The following VTN variants were observed in gnomAD, a reference collection of about 807,000 sequenced individuals.
The protein encoded by VTN is complement S-protein.
In VTN, 45 loss-of-function variants were observed where a neutral mutation model predicts 55.9. That is an observed-to-expected ratio of 0.80 (90% CI 0.63 to 1.03). VTN has a LOEUF of 1.03. VTN is among the 50% of genes least tolerant of loss of function. The pLI, the probability that VTN is intolerant of heterozygous loss-of-function variation, is 0.00. For missense variants in VTN, 589 were observed against 638.2 expected, an observed-to-expected ratio of 0.92 and a Z score of 0.83; for synonymous variants, 238 against 242.3, an observed-to-expected ratio of 0.98 and a Z score of 0.17.
At position 28,369,351 on chromosome 17, in the gene VTN, C is replaced by T. The variant is rs782486508; in HGVS notation, c.607G>A (p.Glu203Lys). The change falls in exon 4 of 8, where the codon GAG (glutamate) becomes AAG (lysine). Residue 203 changes from glutamate to lysine, a missense_variant. Transcript: ENST00000226218. This position sits in a 1 kb window ranked among gnomAD's most constrained non-coding sequence, Gnocchi z 5.3. ...GTGAAGGCGGCATCGATGGGGCCCT[C>T]GATGCCCCAGACATCTCGGATGAGC... is the stretch of plus-strand genomic sequence containing the variant. ...PKLIRDVWGIEGPIDAAFTRI... is the reference protein window; with the variant it reads ...PKLIRDVWGIKGPIDAAFTRI... 14 of 1,607,548 alleles carry T rather than the reference C, an allele frequency of 8.7e-6. No homozygotes were observed. In the East Asian group the frequency reaches 1.3e-4, roughly 15 times the overall value.
chr17:28,370,237 G>A lies in VTN; in HGVS notation c.-34C>T, dbSNP rs782069389. The A allele has an allele frequency of 2.5e-6, 4 of 1,596,450 alleles. No individual in the cohort carries two copies. The Admixed American group carries it at 5.1e-5, about 20-fold the overall frequency. Reference sequence around the variant, plus strand: ...TTCTAGCTCAGTGCCTGGCAAGCTGGGCTCTGGTCTCCCTGAAGTCTCCGC... The same window carrying A: ...TTCTAGCTCAGTGCCTGGCAAGCTGAGCTCTGGTCTCCCTGAAGTCTCCGC... On this transcript the variant is annotated 5_prime_UTR_variant, in exon 1 of 8. Coordinates refer to ENST00000226218, the MANE Select transcript of VTN (RefSeq NM_000638.4).
Position 28,369,845 on chromosome 17 carries a change from C to T in VTN, c.191G>A (p.Arg64His), listed in dbSNP as rs145095194. The T allele has an allele frequency of 1.1e-5, 18 of 1,612,218 alleles. No individual in the cohort carries two copies. Among genetic ancestry groups the T allele is most frequent in the East Asian group, 4.5e-5 (2 of 44,840 alleles). Reference protein sequence around the residue: ...YTAECKPQVTRGDVFTMPEDE... With the variant: ...YTAECKPQVTHGDVFTMPEDE... ...CTCCGGCATAGTGAACACATCCCCG[C>T]GAGTCACTGCAGAGAGTGGATGGTA... The change falls in exon 3 of 8, where the codon CGC becomes CAC. Residue 64 changes from arginine to histidine, a missense_variant. Arg to His is a conservative substitution (Grantham distance 29, BLOSUM62 0). Coordinates refer to ENST00000226218, the MANE Select transcript of VTN (RefSeq NM_000638.4). This position sits in a 1 kb window ranked among gnomAD's most constrained non-coding sequence, Gnocchi z 5.3.
chr17:28,370,288 A>G lies in VTN; in HGVS notation c.-85T>C. 1 of 1,463,484 alleles carries G rather than the reference A, an allele frequency of 6.8e-7. No individual in the cohort carries two copies. Among genetic ancestry groups the G allele is most frequent in the Middle Eastern group, 2.0e-4 (1 of 5,006 alleles). The allele number at this position is 1,463,484 out of a possible 1,614,324, so 90.7% of individuals were successfully genotyped here. A position where few individuals can be genotyped will look rare whatever the true frequency, so the allele number is the denominator to read the frequency against. On this transcript the variant is annotated 5_prime_UTR_variant, in exon 1 of 8. Transcript: ENST00000226218. ...TCTGATGCCTGAGGAAGGGAGGGAG[A>G]GGCAGAGACAGGGAAGGAGGGCACT...
chr17:28,368,037 G>T lies in VTN; in HGVS notation c.1002C>A (p.Phe334Leu), dbSNP rs768196943. The T allele has an allele frequency of 6.3e-7, 1 of 1,585,046 alleles. No individual in the cohort carries two copies. The highest frequency in any genetic ancestry group is 1.1e-5 in the South Asian group (1 of 87,282). ...GCACACCGTGCCAGTCCCGGCTAAT[G>T]AACTGGGGCTGTCTGGTACCAGCTG... The part of the protein sequence containing the change: ...RTSAGTRQPQ[F>L]ISRDWHGVPG... The change falls in exon 7 of 8, where the codon TTC becomes TTA. Residue 334 changes from phenylalanine (F) to leucine (L), a missense_variant. This residue lies in a region of VTN where 334 missense variants were observed against 328.2 expected (regional missense o/e 1.02). Coordinates refer to ENST00000226218, the MANE Select transcript of VTN (RefSeq NM_000638.4).
Position 28,368,863 on chromosome 17 carries a change from C to T in VTN, c.826+9G>A, listed in dbSNP as rs782345781. ...CTGCCTGCTCAGTCTCCCACCACCC[C>T]CTGAGTACCCTTGAAGAAGTAGACC... On this transcript the variant is annotated intron_variant, in intron 5 of 7. Transcript: ENST00000226218. 2 of 1,613,552 alleles carry T rather than the reference C, an allele frequency of 1.2e-6. No homozygotes were observed. Among genetic ancestry groups the T allele is most frequent in the African/African-American group, 1.3e-5 (1 of 74,884 alleles).
In VTN at chr17:28,367,831, G is replaced by A. The variant is rs113837940; in HGVS notation, c.1208C>T (p.Ser403Phe). The A allele has an allele frequency of 3.4e-4, 548 of 1,614,052 alleles. 1 individual carries two copies. Among genetic ancestry groups the A allele is most frequent in the Non-Finnish European group, 4.3e-4 (508 of 1,180,056 alleles). ...SRRPSRATWL[S>F]LFSSEESNLG... ...GTTGCTCTCCTCACTGGAGAACAAG[G>A]ACAGCCACGTGGCGCGGGATGGCCG... The change falls in exon 7 of 8, where the codon TCC (serine) becomes TTC (phenylalanine). Residue 403 changes from serine (S) to phenylalanine (F), a missense_variant. By Grantham distance (155) the Ser-to-Phe change is radical. Coordinates refer to ENST00000226218, the MANE Select transcript of VTN (RefSeq NM_000638.4).
intron 6 of VTN, 47 bp downstream of exon 6, chr17:28,368,474 G>A (rs1555583388): frequency 1.2e-6 from 2 of 1,607,510 alleles, no homozygotes; most frequent in South Asian, 2.2e-5. Flanking sequence ...ATACCAAGGG[G>A]TTTCAGCCCT....
At chr17:28,368,847 C>T (rs562940686) in intron 5 of VTN, 25 bp downstream of exon 5, 37 of 1,613,236 alleles carry the variant, frequency 2.3e-5, no homozygotes, top group Non-Finnish European at 3.0e-5. Flanking sequence ...ACTGCCTGCT[C>T]AGTCTCCCAC....
chr17:28,369,352 G>A lies in VTN; in HGVS notation c.606C>T (p.Ile202=), dbSNP rs782583765. The change falls in exon 4 of 8, where the codon ATC becomes ATT. Residue 202 remains isoleucine, a synonymous_variant. Transcript: ENST00000226218. The surrounding 1 kb of genome is among the most constrained non-coding windows in gnomAD (Gnocchi z 5.3). The part of the protein sequence containing the change: ...YPKLIRDVWG[I]EGPIDAAFTR... The stretch of plus-strand genomic sequence containing the variant: ...TGAAGGCGGCATCGATGGGGCCCTC[G>A]ATGCCCCAGACATCTCGGATGAGCT... 34 of 1,607,448 alleles carry A rather than the reference G, an allele frequency of 2.1e-5. No homozygotes were observed. Among genetic ancestry groups the A allele is most frequent in the South Asian group, 4.4e-5 (4 of 90,836 alleles).
At position 28,369,630 on chromosome 17, in the gene VTN, C is replaced by G. The variant is rs782262705; in HGVS notation, c.406G>C (p.Asp136His). 1.2e-6 allele frequency: 2 copies of G among 1,613,768 alleles called. No homozygotes were observed. The highest frequency in any genetic ancestry group is 1.1e-5 in the South Asian group (1 of 91,086). Reference sequence around the variant, plus strand: ...GGATGAAGGGTCTCAGGCCTTGAGTCTATCCCCTCAGGCTTAGAGGCGCCC... The same window carrying G: ...GGATGAAGGGTCTCAGGCCTTGAGTGTATCCCCTCAGGCTTAGAGGCGCCC... Reference protein sequence around the residue: ...EVGASKPEGIDSRPETLHPGR... With the variant: ...EVGASKPEGIHSRPETLHPGR... Residue 136 changes from aspartate to histidine, a missense_variant, in exon 3 of 8, where the codon GAC becomes CAC. By Grantham distance (81) the Asp-to-His change is moderately conservative. Coordinates refer to ENST00000226218, the MANE Select transcript of VTN (RefSeq NM_000638.4). This position sits in a 1 kb window ranked among gnomAD's most constrained non-coding sequence, Gnocchi z 5.3.
In VTN at chr17:28,368,623, A is replaced by G. The variant is rs782515558; in HGVS notation, c.877T>C (p.Cys293Arg). 74 of 1,613,130 alleles carry G rather than the reference A, an allele frequency of 4.6e-5. No individual in the cohort carries two copies. Among genetic ancestry groups the G allele is most frequent in the Non-Finnish European group, 6.0e-5 (71 of 1,179,870 alleles). ...ACAGCCGACAGGGAGCTGCCTTCAC[A>G]CTCCTCCTGACTGGGCTGGTGCTGG... ...QFQHQPSQEE[C>R]EGSSLSAVFE... Residue 293 changes from cysteine to arginine, a missense_variant, in exon 6 of 8, where the codon TGT becomes CGT. By Grantham distance (180) the Cys-to-Arg change is radical. This residue lies in a region of VTN where 334 missense variants were observed against 328.2 expected (regional missense o/e 1.02). Transcript: ENST00000226218.
At position 28,367,432 on chromosome 17, in the gene VTN, G is replaced by A. The variant is rs782781543; in HGVS notation, c.1374C>T (p.Asp458=). The A allele has an allele frequency of 4.3e-6, 7 of 1,613,378 alleles. No individual in the cohort carries two copies. In the South Asian group the frequency reaches 7.7e-5, roughly 18 times the overall value. ...NLRTRRVDTV[D]PPYPRSIAQY... is the part of the protein sequence containing the mutation. ...GAGCGATGGAGCGTGGGTAGGGAGG[G>A]TCCACAGTGTCCACTCGCCGTGTGC... The change falls in exon 8 of 8, where the codon GAC becomes GAT. Residue 458 remains aspartate (D), a synonymous_variant. Transcript: ENST00000226218.
Position 28,367,362 on chromosome 17 carries a change from C to CT in VTN, c.*6dup, listed in dbSNP as rs782574804. The CT allele has an allele frequency of 1.7e-5, 27 of 1,574,840 alleles. No individual in the cohort carries two copies. The highest frequency in any genetic ancestry group is 1.7e-4 in the Middle Eastern group (1 of 5,898). On this transcript the variant is annotated 3_prime_UTR_variant, in exon 8 of 8. Transcript: ENST00000226218. ...TACAGAGGGCCCGGCCATGTGGGCT[C>CT]TGACTCCTACAGATGGCCAGGAGCT...
intron 6 of VTN, 135 bp from the exon 7 acceptor site, chr17:28,368,194 C>G (rs1216385587): frequency 9.8e-6 from 8 of 820,242 alleles, no homozygotes; most frequent in Non-Finnish European, 1.5e-5. Context: ...GCCTTTGACT[C>G]TCAGTCCAAT....
intron 6 of VTN, 114 bp downstream of exon 6, chr17:28,368,407 A>G: frequency 1.4e-6 from 2 of 1,440,616 alleles, no homozygotes; most frequent in Non-Finnish European, 1.9e-6. Context: ...CTGAGCAAAC[A>G]GACTTTGATC....
rs375650391 is a variant in VTN at position 28,368,858 on chromosome 17, C to A, written c.826+14G>T. On this transcript the variant is annotated intron_variant, in intron 5 of 7. Transcript: ENST00000226218. Reference sequence around the variant, plus strand: ...CTCCACTGCCTGCTCAGTCTCCCACCACCCCCTGAGTACCCTTGAAGAAGT... The same window carrying A: ...CTCCACTGCCTGCTCAGTCTCCCACAACCCCCTGAGTACCCTTGAAGAAGT... The A allele has an allele frequency of 3.1e-6, 5 of 1,613,430 alleles. No individual in the cohort carries two copies. The African/African-American group carries it at 6.7e-5, about 22-fold the overall frequency.
rs782508700 is a variant in VTN, at chr17:28,369,728, T to C, written c.308A>G (p.Gln103Arg). The C allele has an allele frequency of 3.3e-5, 54 of 1,613,772 alleles. No individual in the cohort carries two copies. Among genetic ancestry groups the C allele is most frequent in the Non-Finnish European group, 4.2e-5 (50 of 1,180,014 alleles). Residue 103 changes from glutamine to arginine, a missense_variant, in exon 3 of 8, where the codon CAG (glutamine) becomes CGG (arginine). Around this residue, in one of 3 missense-constraint regions of VTN, gnomAD observed 217 missense variants for 241.3 expected, o/e 0.90. Coordinates refer to ENST00000226218, the MANE Select transcript of VTN (RefSeq NM_000638.4). This position sits in a 1 kb window ranked among gnomAD's most constrained non-coding sequence, Gnocchi z 5.3. Reference protein sequence around the residue: ...VGGPSLTSDLQAQSKGNPEQT... With the variant: ...VGGPSLTSDLRAQSKGNPEQT... Reference sequence around the variant, plus strand: ...CTCAGGATTCCCTTTGGACTGGGCCTGGAGGTCAGAGGTCAGGGAGGGGCC... The same window carrying C: ...CTCAGGATTCCCTTTGGACTGGGCCCGGAGGTCAGAGGTCAGGGAGGGGCC...
rs1555583481 is a variant in VTN at position 28,368,948 on chromosome 17, G to C, written c.750C>G (p.Ile250Met). ...PRNISDGFDG[I>M]PDNVDAALAL... ...CCAAGGCTGCATCCACGTTGTCCGG[G>C]ATGCCATCGAAGCCGTCAGAGATAT... Residue 250 changes from isoleucine to methionine, a missense_variant, in exon 5 of 8, where the codon ATC becomes ATG. Ile to Met is a conservative substitution (Grantham distance 10, BLOSUM62 1). Coordinates refer to ENST00000226218, the MANE Select transcript of VTN (RefSeq NM_000638.4). 1.2e-6 allele frequency: 2 copies of C among 1,603,388 alleles called. No individual in the cohort carries two copies. The highest frequency in any genetic ancestry group is 2.2e-5 in the East Asian group (1 of 44,874).
At position 28,367,418 on chromosome 17, in the gene VTN, C is replaced by T. The variant is rs782717000; in HGVS notation, c.1388G>A (p.Arg463His). ...GCCCAGCCAGTACTGAGCGATGGAG[C>T]GTGGGTAGGGAGGGTCCACAGTGTC... is the stretch of plus-strand genomic sequence containing the variant. ...RVDTVDPPYP[R>H]SIAQYWLGCP... The change falls in exon 8 of 8, where the codon CGC (arginine) becomes CAC (histidine). Residue 463 changes from arginine (R) to histidine (H), a missense_variant. Around this residue, in one of 3 missense-constraint regions of VTN, gnomAD observed 334 missense variants for 328.2 expected, o/e 1.02. Coordinates refer to ENST00000226218, the MANE Select transcript of VTN (RefSeq NM_000638.4). 41 of 1,612,566 alleles carry T rather than the reference C, an allele frequency of 2.5e-5. No individual in the cohort carries two copies. The highest frequency in any genetic ancestry group is 4.5e-5 in the East Asian group (2 of 44,868).
Sources: gnomAD v4.1 joint callset for allele counts on GRCh38, gnomAD v4.1.1 for gene constraint, gnomAD v4.1.1 regional missense constraint, Gnocchi (gnomAD v3.1) non-coding constraint, MANE v1.5 for transcripts, NCBI Gene and HGNC (gene_info 2026-07-23, HGNC 2026-07-21) for gene names.